The following PRKAG2 variants were observed in gnomAD, a reference collection of about 807,000 sequenced individuals.
PRKAG2 encodes the protein protein kinase AMP-activated non-catalytic subunit gamma 2.
Under a neutral mutation model 69.6 loss-of-function variants are expected in PRKAG2, and 26 were observed. The ratio of observed to expected loss-of-function variants is 0.37; its 90% CI spans 0.27 to 0.52. The LOEUF (loss-of-function observed/expected upper bound fraction) is 0.52. PRKAG2 is among the 20% of genes least tolerant of loss of function. PRKAG2 has a pLI of 0.90. For synonymous variants in PRKAG2, 293 were observed against 285.0 expected (o/e 1.03, Z -0.28); for missense variants, 557 against 740.0 (o/e 0.75, Z 2.87).
In PRKAG2 at chr7:151,854,465, C is replaced by T. The variant is rs139574042; in HGVS notation, c.114+22042G>A. On this transcript the variant is annotated intron_variant, in intron 1 of 15. Coordinates refer to ENST00000287878, the MANE Select transcript of PRKAG2 (RefSeq NM_016203.4). ...TGCCCCCAAGAGCCTCTGGCCAGGA[C>T]GCAGCCTTCCCCCACACATCACAGG... Among the ~76,000 whole-genome samples, 491 of 152,324 alleles carry T rather than the reference C, an allele frequency of 3.2e-3. 3 individuals carry two copies. Among genetic ancestry groups the T allele is most frequent in the African/African-American group, 0.011 (471 of 41,570 alleles).
intron 1 of PRKAG2, among the ~76,000 whole-genome samples, chr7:151,874,893 C>CA (rs1442140758): frequency 8.6e-5 from 13 of 151,462 alleles, no homozygotes; most frequent in African/African-American, 1.2e-4. Flanking sequence ...TGACTCAAAA[C>CA]AAAAAAAACA....
chr7:151,871,394 G>A (rs892401043), intron 1 of PRKAG2, among the ~76,000 whole-genome samples: 4 of 152,182 alleles, frequency 2.6e-5, no homozygotes, highest in African/African-American at 7.2e-5. Flanking sequence ...TGACCTCTAC[G>A]GCCCTTTGCT....
At chr7:151,722,078 T>C (rs1797207514) in intron 3 of PRKAG2, among the ~76,000 whole-genome samples, 1 of 152,174 alleles carries the variant, frequency 6.6e-6, no homozygotes, top group African/African-American at 2.4e-5. Context: ...ATGATGGATG[T>C]TGTAGAATCC....
intron 9 of PRKAG2, among the ~76,000 whole-genome samples, chr7:151,571,810 G>C (rs1285246936): frequency 2.6e-5 from 4 of 152,178 alleles, no homozygotes; most frequent in African/African-American, 4.8e-5. Context: ...AGAACTCCAA[G>C]ATGTATTCTG....
chr7:151,665,377 C>T (rs144045420), intron 4 of PRKAG2, among the ~76,000 whole-genome samples: 172 of 152,268 alleles, frequency 1.1e-3, no homozygotes, highest in African/African-American at 4.0e-3. Flanking sequence ...TCCCAAAGAC[C>T]CCGGCCACTG....
chr7:151,865,521 G>A (rs1320951100), intron 1 of PRKAG2, among the ~76,000 whole-genome samples: 1 of 152,250 alleles, frequency 6.6e-6, no homozygotes. Context: ...AGGGGCCCAT[G>A]TGGATCACAG....
At chr7:151,790,799 CA>C (rs2077241487) in intron 1 of PRKAG2, among the ~76,000 whole-genome samples, 1 of 152,258 alleles carries the variant, frequency 6.6e-6, no homozygotes, top group African/African-American at 2.4e-5. Context: ...AGCTTTTTCA[CA>C]AATCCTCACT....
chr7:151,593,500 C>T (rs956104332), intron 6 of PRKAG2, among the ~76,000 whole-genome samples: 2 of 152,112 alleles, frequency 1.3e-5, no homozygotes, highest in Middle Eastern at 3.2e-3. Flanking sequence ...GGCCTACTGT[C>T]GCTTATTTTT....
chr7:151,558,633 A>T, intron 15 of PRKAG2: 1 of 971,152 alleles, frequency 1.0e-6, no homozygotes, highest in Non-Finnish European at 1.2e-6. Flanking sequence ...CTTGTAATCC[A>T]GTTATTAGTA....
intron 1 of PRKAG2, among the ~76,000 whole-genome samples, chr7:151,851,608 G>C (rs2079570540): frequency 6.6e-6 from 1 of 152,162 alleles, no homozygotes. Context: ...AAAATCACAG[G>C]CTTTTGGTTT....
At chr7:151,779,415 C>T (rs1421682551) in intron 3 of PRKAG2, among the ~76,000 whole-genome samples, 2 of 152,196 alleles carry the variant, frequency 1.3e-5, no homozygotes, top group Non-Finnish European at 2.9e-5. Flanking sequence ...CCCTCTCACC[C>T]TCTCCTCCCA....
At position 151,814,119 on chromosome 7, in the gene PRKAG2, C is replaced by T. The variant is rs1046945386; in HGVS notation, c.115-27578G>A. Among the ~76,000 whole-genome samples the T allele has an allele frequency of 6.6e-6, 1 of 152,168 alleles. No homozygotes were observed. Among genetic ancestry groups the T allele is most frequent in the African/African-American group, 2.4e-5 (1 of 41,418 alleles). ...AGCCTGGCAGGGGAGGAGAGACAGA[C>T]TCAGAGAGGAATGGAGCTGAACACG... On this transcript the variant is annotated intron_variant, in intron 1 of 15. Transcript: ENST00000287878. The surrounding 1 kb of genome is among the most constrained non-coding windows in gnomAD (Gnocchi z 4.8).
At chr7:151,761,697 T>G (rs186113510) in intron 3 of PRKAG2, among the ~76,000 whole-genome samples, 1 of 152,212 alleles carries the variant, frequency 6.6e-6, no homozygotes, top group African/African-American at 2.4e-5. Flanking sequence ...GTTAACTCTT[T>G]CTTTACTGTG....
At chr7:151,593,401 C>G (rs1296587844) in intron 6 of PRKAG2, among the ~76,000 whole-genome samples, 4 of 152,078 alleles carry the variant, frequency 2.6e-5, no homozygotes, top group South Asian at 2.1e-4. Context: ...ACCATGTTGG[C>G]CAGGGTGGTC....
intron 3 of PRKAG2, among the ~76,000 whole-genome samples, chr7:151,711,128 T>C (rs1308891893): frequency 1.3e-5 from 2 of 151,612 alleles, no homozygotes; most frequent in Non-Finnish European, 2.9e-5. Flanking sequence ...TGCTGAGTGC[T>C]AGGCTGAGAG....
chr7:151,584,666 C>T (rs896257357), intron 6 of PRKAG2, among the ~76,000 whole-genome samples: 16 of 152,166 alleles, frequency 1.1e-4, no homozygotes, highest in Non-Finnish European at 1.8e-4. Flanking sequence ...GAGGCCGCAG[C>T]GCTGAGGATC....
chr7:151,640,031 C>T (rs1585424756), intron 4 of PRKAG2, among the ~76,000 whole-genome samples: 3 of 152,244 alleles, frequency 2.0e-5, no homozygotes, highest in East Asian at 3.9e-4. Flanking sequence ...GTAGTCTTGG[C>T]CAGGCACAGT....
At chr7:151,712,689 A>G (rs1362549355) in intron 3 of PRKAG2, among the ~76,000 whole-genome samples, 1 of 152,222 alleles carries the variant, frequency 6.6e-6, no homozygotes, top group African/African-American at 2.4e-5. Flanking sequence ...ATGCAGAGTA[A>G]GCAAAATGAG....
chr7:151,655,435 G>T (rs142460161), intron 4 of PRKAG2, among the ~76,000 whole-genome samples: 109 of 152,292 alleles, frequency 7.2e-4, no homozygotes, highest in Non-Finnish European at 1.4e-3. Context: ...GCCCACAGCT[G>T]CTTGGTGGCT....
Sources: allele counts gnomAD v4.1 joint callset (sites outside exome capture counted in the v4.1 genomes callset), GRCh38; gene constraint gnomAD v4.1.1; non-coding constraint Gnocchi (gnomAD v3.1); transcripts MANE v1.5; gene names NCBI Gene and HGNC (gene_info 2026-07-23, HGNC 2026-07-21).